Variants in MINK1 observed in about 807,000 individuals in gnomAD.
MINK1 encodes the protein misshapen like kinase 1.
Under a neutral mutation model 178.4 loss-of-function variants are expected in MINK1, and 46 were observed. That is an observed-to-expected ratio of 0.26 (90% CI 0.20 to 0.33). MINK1 has a LOEUF of 0.33. Ranked by LOEUF, MINK1 falls within the 10% of genes least tolerant of loss-of-function variation. The probability of loss-of-function intolerance (pLI) is 1.00; values close to 1 mark genes in which losing one functional copy is unlikely to be tolerated. For missense variants in MINK1, 1,366 were observed against 1,814.9 expected, an observed-to-expected ratio of 0.75 and a Z score of 4.49; for synonymous variants, 797 against 709.7, an observed-to-expected ratio of 1.12 and a Z score of -1.96.
At chr17:4,869,494 C>G (rs1309848996) in intron 1 of MINK1, among the ~76,000 whole-genome samples, 2 of 150,850 alleles carry the variant, frequency 1.3e-5, no homozygotes, top group African/African-American at 2.4e-5. Context: ...TCAGGATGGT[C>G]TCTAACTCCT....
chr17:4,834,143 C>T, intron 1 of MINK1, among the ~76,000 whole-genome samples: 1 of 152,136 alleles, frequency 6.6e-6, no homozygotes, highest in East Asian at 1.9e-4. Flanking sequence ...GCATCCTTTC[C>T]CTGGTCGGAA....
At position 4,854,589 on chromosome 17, in the gene MINK1, C is replaced by T. The variant is rs537729285; in HGVS notation, c.57+20949C>T. On this transcript the variant is annotated intron_variant, in intron 1 of 31. Transcript: ENST00000355280. ...AGTGTGTGTGTGCATGCGTGTGTCTCACACATCCCTCTGGCATAGAGATCC... is the reference window on the plus strand; with the variant it reads ...AGTGTGTGTGTGCATGCGTGTGTCTTACACATCCCTCTGGCATAGAGATCC... 7.2e-5 allele frequency among the ~76,000 whole-genome samples: 11 copies of T among 152,348 alleles called. No individual in the cohort carries two copies. In the South Asian group the frequency reaches 2.3e-3, roughly 32 times the overall value.
chr17:4,850,190 AGCAAT>A (rs201449799), intron 1 of MINK1, among the ~76,000 whole-genome samples: 1,659 of 152,326 alleles, frequency 0.011, 21 homozygotes, highest in African/African-American at 0.038. Context: ...TGTAGTATCT[AGCAAT>A]GCCTCTACAT....
chr17:4,891,344 T>TC, intron 15 of MINK1, 112 bp from the exon 16 acceptor site: 1 of 1,389,410 alleles, frequency 7.2e-7, no homozygotes, highest in Non-Finnish European at 9.6e-7. Flanking sequence ...GAACCCCTTG[T>TC]CCTTCAATGG....
At chr17:4,878,195 G>A (rs1029626627) in intron 1 of MINK1, 122 bp from the exon 2 acceptor site, 23 of 777,332 alleles carry the variant, frequency 3.0e-5, no homozygotes, top group Non-Finnish European at 4.3e-5. Context: ...TTCCTGCCAC[G>A]TGCCCTCCTG....
rs1440185387 is a variant in MINK1, at chr17:4,897,875, C to G, written c.*588C>G. The G allele has an allele frequency of 6.6e-6, 1 of 151,226 alleles. No individual in the cohort carries two copies. The allele number at this position is 151,226 out of a possible 1,614,324, so 9.4% of individuals were successfully genotyped here. ...CCCCCATTCCCGACCCCCCTCTCCT[C>G]TTCTAGCCCATGCCCTTCCCCGGTG... On this transcript the variant is annotated 3_prime_UTR_variant, in exon 32 of 32. Transcript: ENST00000355280.
intron 1 of MINK1, among the ~76,000 whole-genome samples, chr17:4,866,695 A>T (rs1915033022): frequency 6.6e-6 from 1 of 151,834 alleles, no homozygotes; most frequent in Non-Finnish European, 1.5e-5. Context: ...TTGCTTAAGC[A>T]CAGCAGCCTG....
intron 1 of MINK1, chr17:4,875,112 C>G: frequency 1.9e-6 from 1 of 520,032 alleles, no homozygotes; most frequent in South Asian, 1.4e-5. Flanking sequence ...TTCAGACGCC[C>G]CGGAATGGAT....
In MINK1 at chr17:4,884,902, C is replaced by T; in HGVS notation, c.418-10C>T. The stretch of plus-strand genomic sequence containing the variant: ...CACCATGGCTAATTTTCCCTGCTCT[C>T]CTGTCCCAGGGTCTGGCCCATCTCC... On this transcript the variant is annotated splice_polypyrimidine_tract_variant and intron_variant, in intron 5 of 31. Coordinates refer to ENST00000355280, the MANE Select transcript of MINK1 (RefSeq NM_153827.5). 1.9e-6 allele frequency: 3 copies of T among 1,613,310 alleles called. No homozygotes were observed. The South Asian group carries it at 3.3e-5, about 18-fold the overall frequency.
intron 1 of MINK1, among the ~76,000 whole-genome samples, chr17:4,849,574 TTTTG>T (rs892202284): frequency 6.6e-6 from 1 of 151,938 alleles, no homozygotes; most frequent in Non-Finnish European, 1.5e-5. Flanking sequence ...TCTCAGCGTG[TTTTG>T]TTTGTTTGTT....
chr17:4,847,380 A>G (rs989991689), intron 1 of MINK1, among the ~76,000 whole-genome samples: 2 of 152,302 alleles, frequency 1.3e-5, no homozygotes, highest in East Asian at 3.9e-4. Context: ...CTGAGATTAC[A>G]GGCTCCCACC....
chr17:4,860,152 G>A (rs997037632), intron 1 of MINK1, among the ~76,000 whole-genome samples: 10 of 152,228 alleles, frequency 6.6e-5, no homozygotes, highest in Admixed American at 2.0e-4. Flanking sequence ...GTGGAATGAG[G>A]ACGGGTAGCC....
At chr17:4,863,552 C>T (rs1914501700) in intron 1 of MINK1, among the ~76,000 whole-genome samples, 1 of 152,102 alleles carries the variant, frequency 6.6e-6, no homozygotes, top group South Asian at 2.1e-4. Context: ...GCAACAGGAG[C>T]TATGAGCCAG....
chr17:4,862,986 A>G (rs11658691), intron 1 of MINK1, among the ~76,000 whole-genome samples: 115,720 of 151,826 alleles, frequency 0.76, 45,381 homozygotes, highest in Non-Finnish European at 0.84. Context: ...AGTGGGCTGC[A>G]ATTGCACCAC....
intron 12 of MINK1, among the ~76,000 whole-genome samples, chr17:4,888,927 CGACCTCAGGT>C (rs1968494264): frequency 6.6e-6 from 1 of 151,956 alleles, no homozygotes; most frequent in African/African-American, 2.4e-5. Context: ...CTCGAACTCC[CGACCTCAGGT>C]GATCCACCTG....
At chr17:4,875,499 G>A (rs182581144) in intron 1 of MINK1, 21 of 453,750 alleles carry the variant, frequency 4.6e-5, no homozygotes, top group African/African-American at 1.8e-4. Flanking sequence ...GAGGCCGTGC[G>A]CAGTGGCTCA....
At chr17:4,865,497 AT>A (rs905175682) in intron 1 of MINK1, among the ~76,000 whole-genome samples, 38 of 151,626 alleles carry the variant, frequency 2.5e-4, no homozygotes, top group African/African-American at 8.2e-4. Flanking sequence ...AGTTTCAAGG[AT>A]TTTTTTTTCT....
rs1344996675 is a variant in MINK1 at position 4,895,765 on chromosome 17, A to G, written c.3297A>G (p.Pro1099=). ...WLRNKILHND[P]EVEKKQGWTT... is the part of the protein sequence containing the mutation. The stretch of plus-strand genomic sequence containing the variant: ...GGAACAAGATTCTGCACAATGACCC[A>G]GAAGTGGAGAAGAAGCAGGGCTGGA... Residue 1099 remains proline, a synonymous_variant, in exon 27 of 32, where the codon CCA becomes CCG. Transcript: ENST00000355280. The surrounding 1 kb of genome is among the most constrained non-coding windows in gnomAD (Gnocchi z 4.3). 3.7e-6 allele frequency: 6 copies of G among 1,613,868 alleles called. No homozygotes were observed. The East Asian group carries it at 1.1e-4, about 30-fold the overall frequency.
intron 13 of MINK1, 53 bp downstream of exon 13, chr17:4,889,816 T>TGCCGCCCCTGCTCCCC (rs1968597956): frequency 3.4e-6 from 4 of 1,159,456 alleles, no homozygotes; most frequent in Non-Finnish European, 4.5e-6. Context: ...TCCTGCTGCC[T>TGCCGCCCCTGCTCCCC]GCCGCCCCTG....
Sources: allele counts gnomAD v4.1 joint callset (sites outside exome capture counted in the v4.1 genomes callset), GRCh38; gene constraint gnomAD v4.1.1; non-coding constraint Gnocchi (gnomAD v3.1); transcripts MANE v1.5; gene names NCBI Gene and HGNC (gene_info 2026-07-23, HGNC 2026-07-21).